Variants in ZKSCAN3 observed in about 807,000 individuals in gnomAD.
ZKSCAN3 encodes zinc finger protein with KRAB and SCAN domains 3.
Under a neutral mutation model 30.7 loss-of-function variants are expected in ZKSCAN3, and 21 were observed. That is an observed-to-expected ratio of 0.68 (90% CI 0.49 to 0.99). ZKSCAN3 has a LOEUF of 0.99. Among genes scored for constraint, ZKSCAN3 ranks in the 50% least tolerant of loss-of-function variants. The pLI is 0.00. For missense variants in ZKSCAN3, 507 were observed against 647.1 expected (o/e 0.78, Z 2.35); for synonymous variants, 201 against 246.7 (o/e 0.81, Z 1.73).
rs762327490 is a variant in ZKSCAN3 at position 28,365,416 on chromosome 6, G to A, written c.758-10G>A. The A allele has an allele frequency of 4.1e-5, 66 of 1,594,786 alleles. No individual in the cohort carries two copies. Among genetic ancestry groups the A allele is most frequent in the Non-Finnish European group, 5.5e-5 (64 of 1,171,792 alleles). On this transcript the variant is annotated splice_polypyrimidine_tract_variant and intron_variant, in intron 5 of 5. Transcript: ENST00000252211. ...CATAAGCCACAGTTGCCAGTTATTT[G>A]TTGTTTCAGGTGATGAAAAACAGAC...
rs1180396331 is a variant in ZKSCAN3 at position 28,367,786 on chromosome 6, C to G, written c.*1501C>G. 6.6e-6 allele frequency: 1 copy of G among 151,440 alleles called. No homozygotes were observed. The highest frequency in any genetic ancestry group is 2.1e-4 in the South Asian group (1 of 4,820). 9.4% of individuals were successfully genotyped at this position (151,440 alleles called of 1,614,324 possible). On this transcript the variant is annotated 3_prime_UTR_variant, in exon 6 of 6. Coordinates refer to ENST00000252211, the MANE Select transcript of ZKSCAN3 (RefSeq NM_024493.4). ...CCAGGCTGGAGTGCAGTGGCGCGAT[C>G]TCGGCTCACTGCAAGCTCCGCCTCC...
At chr6:28,355,493 TG>T (rs921618593) in intron 1 of ZKSCAN3, 1 of 152,230 alleles carries the variant, frequency 6.6e-6, no homozygotes, top group African/African-American at 2.4e-5. Context: ...TAAAGAGCTC[TG>T]TGTGATGCCA....
intron 2 of ZKSCAN3, among the ~76,000 whole-genome samples, chr6:28,361,123 T>C (rs1035574254): frequency 6.6e-6 from 1 of 152,208 alleles, no homozygotes; most frequent in Non-Finnish European, 1.5e-5. Flanking sequence ...GCATTGCCAC[T>C]GATTAGCTAT....
At chr6:28,356,517 T>A (rs1765436709) in intron 1 of ZKSCAN3, among the ~76,000 whole-genome samples, 1 of 152,126 alleles carries the variant, frequency 6.6e-6, no homozygotes, top group African/African-American at 2.4e-5. Flanking sequence ...ACAAGCACTA[T>A]AAGAAGTGTG....
Position 28,366,478 on chromosome 6 carries a change from G to T in ZKSCAN3, c.*193G>T, listed in dbSNP as rs1250496389. The T allele has an allele frequency of 1.1e-5, 6 of 536,632 alleles. No homozygotes were observed. The highest frequency in any genetic ancestry group is 1.9e-5 in the African/African-American group (1 of 51,684). The allele number at this position is 536,632 out of a possible 1,614,324, so 33.2% of individuals were successfully genotyped here. ...AGGGGTTTGTAATCAAAACATATTT[G>T]ATAGGAGGCTACGGGAGAGTTGTCT... On this transcript the variant is annotated 3_prime_UTR_variant, in exon 6 of 6. Transcript: ENST00000252211.
intron 5 of ZKSCAN3, among the ~76,000 whole-genome samples, chr6:28,364,389 T>A (rs1410907335): frequency 6.6e-6 from 1 of 152,230 alleles, no homozygotes; most frequent in African/African-American, 2.4e-5. Flanking sequence ...TCACAGGAGA[T>A]GCCCACTAAA....
At chr6:28,363,515 T>G in intron 4 of ZKSCAN3, 130 bp downstream of exon 4, 6 of 1,270,352 alleles carry the variant, frequency 4.7e-6, no homozygotes, top group Non-Finnish European at 5.5e-6. Context: ...GGGATCTGCA[T>G]TTTCTCATCT....
At position 28,351,875 on chromosome 6, in the gene ZKSCAN3, TTTATC is replaced by T. The variant is rs199716888; in HGVS notation, c.-63+1812_-63+1816del. On this transcript the variant is annotated intron_variant, in intron 1 of 5. Transcript: ENST00000252211. This position sits in a 1 kb window ranked among gnomAD's most constrained non-coding sequence, Gnocchi z 4.6. The stretch of plus-strand genomic sequence containing the variant: ...TGTCAATTTCTTATATACAGGGACT[TTTATC>T]TTAATATAATCATAGTATCATGATC... 3.3e-5 allele frequency among the ~76,000 whole-genome samples: 5 copies of T among 152,176 alleles called. No homozygotes were observed. Among genetic ancestry groups the T allele is most frequent in the East Asian group, 3.8e-4 (2 of 5,198 alleles).
chr6:28,356,560 C>G (rs1236624732), intron 1 of ZKSCAN3, among the ~76,000 whole-genome samples: 1 of 152,204 alleles, frequency 6.6e-6, no homozygotes, highest in Admixed American at 6.5e-5. Context: ...TAGGCCCACC[C>G]TTGGGGCCCA....
At position 28,349,972 on chromosome 6, in the gene ZKSCAN3, T is replaced by C. The variant is rs1764860318; in HGVS notation, c.-158T>C. On this transcript the variant is annotated 5_prime_UTR_variant, in exon 1 of 6. The change abolishes an upstream ATG in the 5' untranslated region. Coordinates refer to ENST00000252211, the MANE Select transcript of ZKSCAN3 (RefSeq NM_024493.4). The surrounding 1 kb of genome is among the most constrained non-coding windows in gnomAD (Gnocchi z 4.1). ...GCTAGTTTCAAGCACTTTGTGAGTA[T>C]GGGGTGAATCGGCGTCGGCCTTCCA... The C allele has an allele frequency of 1.3e-5, 2 of 152,318 alleles. No individual in the cohort carries two copies. Among genetic ancestry groups the C allele is most frequent in the South Asian group, 2.1e-4 (1 of 4,834 alleles). The allele number at this position is 152,318 out of a possible 1,614,324, so 9.4% of individuals were successfully genotyped here.
rs1765643430 is a variant in ZKSCAN3 at position 28,359,561 on chromosome 6, A to G, written c.-26A>G. On this transcript the variant is annotated 5_prime_UTR_variant, in exon 2 of 6. Transcript: ENST00000252211. ...AGAAATAGCGCTGGAAGCTAGAGTG[A>G]GGCCTGAGTACTGCCTTGGCCTAGG... 2 of 1,598,524 alleles carry G rather than the reference A, an allele frequency of 1.3e-6. No homozygotes were observed. Among genetic ancestry groups the G allele is most frequent in the Non-Finnish European group, 1.7e-6 (2 of 1,170,400 alleles).
At chr6:28,362,607 A>G (rs561852496) in intron 3 of ZKSCAN3, among the ~76,000 whole-genome samples, 2 of 152,162 alleles carry the variant, frequency 1.3e-5, no homozygotes, top group South Asian at 2.1e-4. Context: ...TAAGGAATAC[A>G]TGAGGAATAT....
At chr6:28,357,280 T>C (rs1765492694) in intron 1 of ZKSCAN3, among the ~76,000 whole-genome samples, 1 of 152,228 alleles carries the variant, frequency 6.6e-6, no homozygotes, top group Non-Finnish European at 1.5e-5. Context: ...CTAAGAGTTT[T>C]ATACACTCAC....
At chr6:28,362,336 A>T (rs1267372401) in intron 3 of ZKSCAN3, among the ~76,000 whole-genome samples, 1 of 152,234 alleles carries the variant, frequency 6.6e-6, no homozygotes, top group Non-Finnish European at 1.5e-5. Context: ...AATCTCATAA[A>T]TTATAGGACT....
chr6:28,359,737 G>A lies in ZKSCAN3; in HGVS notation c.151G>A (p.Gly51Ser), dbSNP rs1765654969. 6.2e-7 allele frequency: 1 copy of A among 1,614,084 alleles called. No individual in the cohort carries two copies. The highest frequency in any genetic ancestry group is 1.1e-5 in the South Asian group (1 of 91,092). ...TGAGGGCTCCCGCGAGCGCTTCCGA[G>A]GCTTCCGCTACCCGGAGGCTGCAGG... Reference protein sequence around the residue: ...GSEGSRERFRGFRYPEAAGPR... With the variant: ...GSEGSRERFRSFRYPEAAGPR... Residue 51 changes from glycine to serine, a missense_variant, in exon 2 of 6, where the codon GGC (glycine) becomes AGC (serine). Gly to Ser is a moderately conservative substitution (Grantham distance 56). Transcript: ENST00000252211.
Position 28,349,970 on chromosome 6 carries a change from T to C in ZKSCAN3, c.-160T>C, listed in dbSNP as rs768219809. 1 of 152,054 alleles carries C rather than the reference T, an allele frequency of 6.6e-6. No homozygotes were observed. The highest frequency in any genetic ancestry group is 1.5e-5 in the Non-Finnish European group (1 of 68,034). 9.4% of individuals were successfully genotyped at this position (152,054 alleles called of 1,614,324 possible). ...TTGCTAGTTTCAAGCACTTTGTGAG[T>C]ATGGGGTGAATCGGCGTCGGCCTTC... On this transcript the variant is annotated 5_prime_UTR_variant, in exon 1 of 6. Coordinates refer to ENST00000252211, the MANE Select transcript of ZKSCAN3 (RefSeq NM_024493.4). The surrounding 1 kb of genome is among the most constrained non-coding windows in gnomAD (Gnocchi z 4.1).
intron 5 of ZKSCAN3, 59 bp from the exon 6 acceptor site, chr6:28,365,367 C>A: frequency 6.4e-7 from 1 of 1,554,746 alleles, no homozygotes; most frequent in Non-Finnish European, 8.7e-7. Context: ...CCCTGGTACT[C>A]ATCACAGAGC....
rs1372587278 is a variant in ZKSCAN3, at chr6:28,368,853, G to A, written c.*2568G>A. On this transcript the variant is annotated 3_prime_UTR_variant, in exon 6 of 6. Transcript: ENST00000252211. ...TTGCATCTACTCACATTTCTCACTC[G>A]GTTTCTGGCACCAGCAATCTCTTCC... is the stretch of plus-strand genomic sequence containing the variant. 1 of 153,824 alleles carries A rather than the reference G, an allele frequency of 6.5e-6. No homozygotes were observed. The highest frequency in any genetic ancestry group is 2.4e-5 in the African/African-American group (1 of 41,408). The allele number at this position is 153,824 out of a possible 1,614,324, so 9.5% of individuals were successfully genotyped here.
intron 1 of ZKSCAN3, chr6:28,355,230 T>C (rs1765343020): frequency 6.6e-6 from 1 of 152,174 alleles, no homozygotes. Flanking sequence ...TTAGCATACT[T>C]TGCTGTTCCA....
Sources: gnomAD v4.1 joint callset for allele counts (sites outside exome capture counted in the v4.1 genomes callset) on GRCh38, gnomAD v4.1.1 for gene constraint, Gnocchi (gnomAD v3.1) non-coding constraint, MANE v1.5 for transcripts, NCBI Gene and HGNC (gene_info 2026-07-23, HGNC 2026-07-21) for gene names.